FOXN3: variants seen among roughly 807,000 people sequenced by gnomAD.
FOXN3 encodes forkhead box protein N3.
FOXN3 carries 7 observed loss-of-function variants against 38.4 expected under a neutral mutation model. The ratio of observed to expected loss-of-function variants is 0.18; its 90% CI spans 0.10 to 0.34. FOXN3 has a LOEUF of 0.34. Ranked by LOEUF, FOXN3 falls within the 10% of genes least tolerant of loss-of-function variation. The pLI is 1.00. For missense variants in FOXN3, 456 were observed against 613.4 expected (o/e 0.74, Z 2.71); for synonymous variants, 230 against 242.2 (o/e 0.95, Z 0.47).
intron 2 of FOXN3, among the ~76,000 whole-genome samples, chr14:89,360,852 TCCACCACCACCTCCACCACCACCTCCA>T (rs1889527987): frequency 4.9e-5 from 1 of 20,252 alleles, no homozygotes; most frequent in Non-Finnish European, 8.8e-5. Flanking sequence ...CAGCACCACC[TCCACCACCACCTCCACCACCACCTCCA>T]CCACCACCTC....
intron 1 of FOXN3, among the ~76,000 whole-genome samples, chr14:89,490,125 G>A (rs920029693): frequency 2.0e-5 from 3 of 152,174 alleles, no homozygotes; most frequent in Admixed American, 6.5e-5. Flanking sequence ...CCAGTGATAC[G>A]GTGCCCAGGC....
chr14:89,560,391 G>A (rs972135041), intron 1 of FOXN3, among the ~76,000 whole-genome samples: 1 of 152,214 alleles, frequency 6.6e-6, no homozygotes, highest in African/African-American at 2.4e-5. Context: ...GATGGGCAGA[G>A]AACATGGAGG....
At chr14:89,424,489 G>A (rs560452310) in intron 1 of FOXN3, among the ~76,000 whole-genome samples, 1 of 152,270 alleles carries the variant, frequency 6.6e-6, no homozygotes, top group South Asian at 2.1e-4. Flanking sequence ...GCCGTGGGAA[G>A]TCTTTTGGTT....
intron 1 of FOXN3, among the ~76,000 whole-genome samples, chr14:89,591,198 G>A (rs1175304552): frequency 1.3e-5 from 2 of 152,192 alleles, no homozygotes; most frequent in African/African-American, 4.8e-5. Flanking sequence ...AATCCACACT[G>A]AAAAGTTTGA....
At chr14:89,470,228 G>C (rs1206407326) in intron 1 of FOXN3, among the ~76,000 whole-genome samples, 1 of 151,268 alleles carries the variant, frequency 6.6e-6, no homozygotes, top group African/African-American at 2.4e-5. Context: ...ATTAGAATTA[G>C]AAAACAAAAC....
chr14:89,449,942 G>T (rs1344399930), intron 1 of FOXN3, among the ~76,000 whole-genome samples: 4 of 152,164 alleles, frequency 2.6e-5, no homozygotes, highest in Admixed American at 2.6e-4. Context: ...AGTGGGAGTG[G>T]GTGGTTCAGA....
At chr14:89,394,287 T>C (rs1248019218) in intron 2 of FOXN3, among the ~76,000 whole-genome samples, 1 of 139,590 alleles carries the variant, frequency 7.2e-6, no homozygotes, top group East Asian at 2.3e-4. Context: ...CACTGAAACC[T>C]CTGCCTCCCG....
At chr14:89,425,062 CTT>C (rs3994032) in intron 1 of FOXN3, among the ~76,000 whole-genome samples, 17 of 104,198 alleles carry the variant, frequency 1.6e-4, no homozygotes, top group African/African-American at 4.6e-4. Context: ...GTTTTCTTTT[CTT>C]TTTTTTTTTT....
intron 4 of FOXN3, among the ~76,000 whole-genome samples, chr14:89,222,735 T>C (rs1181169265): frequency 6.6e-6 from 1 of 152,174 alleles, no homozygotes; most frequent in Non-Finnish European, 1.5e-5. Context: ...GATGACACAA[T>C]TGATGGTTTC....
chr14:89,505,793 C>A (rs1293999043), intron 1 of FOXN3, among the ~76,000 whole-genome samples: 1 of 150,956 alleles, frequency 6.6e-6, no homozygotes, highest in South Asian at 2.1e-4. Context: ...AAGTGAGGAG[C>A]GCCTCTTCCC....
intron 4 of FOXN3, among the ~76,000 whole-genome samples, chr14:89,200,322 G>A (rs543962502): frequency 5.9e-5 from 9 of 152,154 alleles, no homozygotes; most frequent in African/African-American, 1.2e-4. Flanking sequence ...TTTCTAACTC[G>A]TGTAAATTGC....
At chr14:89,333,986 ATATATATATATATATATATATATG>A (rs1375850563) in intron 3 of FOXN3, among the ~76,000 whole-genome samples, 15 of 115,528 alleles carry the variant, frequency 1.3e-4, no homozygotes, top group South Asian at 2.9e-4. Flanking sequence ...ATATATATAT[ATATATATATATATATATATATATG>A]TATATAAATG....
At chr14:89,258,736 T>C (rs943521199) in intron 4 of FOXN3, among the ~76,000 whole-genome samples, 3 of 152,258 alleles carry the variant, frequency 2.0e-5, no homozygotes, top group Non-Finnish European at 4.4e-5. Flanking sequence ...ACAGTATACC[T>C]TTCCCATCTA....
intron 1 of FOXN3, among the ~76,000 whole-genome samples, chr14:89,614,824 T>G (rs562845314): frequency 6.6e-6 from 1 of 152,334 alleles, no homozygotes; most frequent in Admixed American, 6.5e-5. Flanking sequence ...TCTATGAAAA[T>G]GTGTGCAAAC....
chr14:89,542,538 C>T (rs946190834), intron 1 of FOXN3, among the ~76,000 whole-genome samples: 5 of 152,186 alleles, frequency 3.3e-5, no homozygotes, highest in African/African-American at 7.2e-5. Context: ...TAGTCAAGTT[C>T]GTCATTGCTT....
At chr14:89,212,835 C>T (rs965151997) in intron 4 of FOXN3, among the ~76,000 whole-genome samples, 1 of 152,182 alleles carries the variant, frequency 6.6e-6, no homozygotes, top group African/African-American at 2.4e-5. Context: ...TCCAGGAGGG[C>T]TCTGCTGGTT....
upstream of FOXN3, chr14:89,419,105 G>A (rs1180487933): frequency 2.2e-6 from 1 of 455,942 alleles, no homozygotes; most frequent in Non-Finnish European, 4.4e-6. Context: ...TTCCATGTGT[G>A]TTTTTGCTTC....
chr14:89,347,820 C>T (rs373822346), intron 3 of FOXN3, among the ~76,000 whole-genome samples: 4 of 152,066 alleles, frequency 2.6e-5, no homozygotes, highest in Admixed American at 6.6e-5. Context: ...GGTGTGGTGG[C>T]GCCTGCCTGT....
At chr14:89,582,676 T>C (rs1266455127) in intron 1 of FOXN3, among the ~76,000 whole-genome samples, 1 of 152,098 alleles carries the variant, frequency 6.6e-6, no homozygotes, top group Non-Finnish European at 1.5e-5. Flanking sequence ...ATTTAAAGAA[T>C]GCAATTTGAT....
Sources: allele counts gnomAD v4.1 joint callset (sites outside exome capture counted in the v4.1 genomes callset), GRCh38; gene constraint gnomAD v4.1.1; transcripts MANE v1.5; gene names NCBI Gene and HGNC (gene_info 2026-07-23, HGNC 2026-07-21).